Variants in CKAP5 observed in about 807,000 individuals in gnomAD.
CKAP5 encodes the protein cytoskeleton associated protein 5.
Under a neutral mutation model 232.8 loss-of-function variants are expected in CKAP5, and 27 were observed. The observed-to-expected ratio is 0.12, with a 90% CI of 0.09 to 0.16. CKAP5 has a LOEUF of 0.16. CKAP5 is among the 10% of genes least tolerant of loss of function. The pLI, the probability that CKAP5 is intolerant of heterozygous loss-of-function variation, is 1.00. For missense variants in CKAP5, 1,838 were observed against 2,424.7 expected, an observed-to-expected ratio of 0.76 and a Z score of 5.08; for synonymous variants, 785 against 841.1, an observed-to-expected ratio of 0.93 and a Z score of 1.16.
chr11:46,766,903 T>G (rs772659388), intron 27 of CKAP5, among the ~76,000 whole-genome samples: 4 of 152,240 alleles, frequency 2.6e-5, no homozygotes, highest in African/African-American at 7.2e-5. Flanking sequence ...CCCTGCAGAC[T>G]AACCGAAACA....
chr11:46,804,917 G>A (rs141354906), intron 8 of CKAP5, among the ~76,000 whole-genome samples: 1 of 151,686 alleles, frequency 6.6e-6, no homozygotes, highest in Non-Finnish European at 1.5e-5. Context: ...GAAGCGATGA[G>A]CTGGGAGGGA....
intron 11 of CKAP5, among the ~76,000 whole-genome samples, chr11:46,797,392 A>ACAAC (rs60748677): frequency 6.7e-6 from 1 of 148,478 alleles, no homozygotes; most frequent in South Asian, 2.1e-4. Flanking sequence ...AACAACAACA[A>ACAAC]AAAAAAAAAA....
chr11:46,754,372 A>T (rs971076934), intron 36 of CKAP5, among the ~76,000 whole-genome samples: 1 of 152,214 alleles, frequency 6.6e-6, no homozygotes, highest in African/African-American at 2.4e-5. Flanking sequence ...GGTGTCATTA[A>T]GTCCACCCTT....
chr11:46,823,565 T>C (rs951500941), intron 1 of CKAP5, among the ~76,000 whole-genome samples: 1 of 152,152 alleles, frequency 6.6e-6, no homozygotes, highest in Admixed American at 6.5e-5. Context: ...AACCCTACCA[T>C]TGGACATTTA....
chr11:46,779,437 T>C (rs2065319940), intron 20 of CKAP5, among the ~76,000 whole-genome samples: 1 of 151,972 alleles, frequency 6.6e-6, no homozygotes, highest in African/African-American at 2.4e-5. Context: ...CCGGCCAAAA[T>C]CATCAATTTC....
chr11:46,778,143 A>G lies in CKAP5; in HGVS notation c.2744T>C (p.Ile915Thr). The change falls in exon 22 of 44, where the codon ATC becomes ACC. Residue 915 changes from isoleucine (I) to threonine (T), a missense_variant. Physicochemically the swap from Ile to Thr is moderately conservative, Grantham distance 89 (BLOSUM62 -1). Around this residue, in one of 6 missense-constraint regions of CKAP5, gnomAD observed 767 missense variants for 954.6 expected, o/e 0.80. Coordinates refer to ENST00000529230, the MANE Select transcript of CKAP5 (RefSeq NM_001008938.4). ...ACAGCCGTATGCTCTACATACCAAG[A>G]TTTTATTTGAATCATTGAGTCGACC... The part of the protein sequence containing the change: ...LKGRLNDSNK[I>T]LVQQTLNILQ... 1 of 1,613,502 alleles carries G rather than the reference A, an allele frequency of 6.2e-7. No individual in the cohort carries two copies. The highest frequency in any genetic ancestry group is 1.7e-5 in the Admixed American group (1 of 59,926).
intron 12 of CKAP5, among the ~76,000 whole-genome samples, chr11:46,796,262 C>T (rs573709673): frequency 8.6e-5 from 13 of 151,130 alleles, no homozygotes; most frequent in African/African-American, 2.2e-4. Context: ...GATAGACATA[C>T]GTAAGATATT....
intron 41 of CKAP5, 31 bp from the exon 42 acceptor site, chr11:46,750,464 A>G: frequency 1.2e-6 from 2 of 1,613,280 alleles, no homozygotes; most frequent in South Asian, 2.2e-5. Flanking sequence ...AGAGGTGGGG[A>G]TGAATGTTAG....
rs768170813 is a variant in CKAP5, at chr11:46,784,400, A to G, written c.2154+88T>C. ...GTATCAAAAAAGATTTTACTTGAGAAGATAAAAACTAATGTTTAATTAGTA... is the reference window on the plus strand; with the variant it reads ...GTATCAAAAAAGATTTTACTTGAGAGGATAAAAACTAATGTTTAATTAGTA... On this transcript the variant is annotated intron_variant, in intron 17 of 43. Coordinates refer to ENST00000529230, the MANE Select transcript of CKAP5 (RefSeq NM_001008938.4). The G allele has an allele frequency of 2.6e-4, 273 of 1,039,438 alleles. 1 individual carries two copies. The highest frequency in any genetic ancestry group is 5.5e-5 in the Non-Finnish European group (39 of 705,180). 64.4% of individuals were successfully genotyped at this position (1,039,438 alleles called of 1,614,324 possible). A position where few individuals can be genotyped will look rare whatever the true frequency, so the allele number is the denominator to read the frequency against.
chr11:46,806,002 T>C (rs1023764826), intron 8 of CKAP5, among the ~76,000 whole-genome samples: 2 of 152,206 alleles, frequency 1.3e-5, no homozygotes, highest in African/African-American at 4.8e-5. Context: ...AAAGAAAATG[T>C]CGTTTCAGGT....
Position 46,818,344 on chromosome 11 carries a change from G to A in CKAP5, c.217C>T (p.Leu73Phe). 6.2e-7 allele frequency: 1 copy of A among 1,600,218 alleles called. No homozygotes were observed. Among genetic ancestry groups the A allele is most frequent in the Non-Finnish European group, 8.5e-7 (1 of 1,176,136 alleles). Reference sequence around the variant, plus strand: ...ACATGGGCATTTTCAACATAAACAAGTGCAGCTTCTAATCCTTTCAATTGA... The same window carrying A: ...ACATGGGCATTTTCAACATAAACAAATGCAGCTTCTAATCCTTTCAATTGA... Reference protein sequence around the residue: ...VVQLKGLEAALVYVENAHVAG... With the variant: ...VVQLKGLEAAFVYVENAHVAG... Residue 73 changes from leucine to phenylalanine, a missense_variant, in exon 3 of 44, where the codon CTT becomes TTT. By Grantham distance (22) the Leu-to-Phe change is conservative. This residue lies in a region of CKAP5 where 285 missense variants were observed against 300.0 expected (regional missense o/e 0.95). Coordinates refer to ENST00000529230, the MANE Select transcript of CKAP5 (RefSeq NM_001008938.4).
At chr11:46,802,262 TA>T (rs1051037317) in intron 8 of CKAP5, 3 of 152,276 alleles carry the variant, frequency 2.0e-5, no homozygotes, top group African/African-American at 7.2e-5. Flanking sequence ...AGCACTTATC[TA>T]AACTCACGGG....
intron 11 of CKAP5, 119 bp downstream of exon 11, chr11:46,797,686 C>T (rs1406788769): frequency 7.2e-6 from 7 of 975,790 alleles, no homozygotes; most frequent in African/African-American, 3.3e-5. Flanking sequence ...AAAGGCTCTG[C>T]TCCTCAAAAG....
Position 46,784,542 on chromosome 11 carries a change from T to C in CKAP5, c.2100A>G (p.Lys700=). 6.2e-7 allele frequency: 1 copy of C among 1,614,166 alleles called. No individual in the cohort carries two copies. The highest frequency in any genetic ancestry group is 8.5e-7 in the Non-Finnish European group (1 of 1,180,008). Reference sequence around the variant, plus strand: ...CTTCGGCTATTGCTGTCATAGCTTCTTTTGCATTGTTCCCACATTTCACAT... The same window carrying C: ...CTTCGGCTATTGCTGTCATAGCTTCCTTTGCATTGTTCCCACATTTCACAT... ...IGDVKCGNNA[K]EAMTAIAEAC... The change falls in exon 17 of 44, where the codon AAA becomes AAG. Residue 700 remains lysine, a synonymous_variant. Transcript: ENST00000529230.
At chr11:46,745,889 C>G (rs1592427536) in intron 42 of CKAP5, among the ~76,000 whole-genome samples, 1 of 152,028 alleles carries the variant, frequency 6.6e-6, no homozygotes, top group East Asian at 1.9e-4. Flanking sequence ...GAGGCAGAAG[C>G]TGCAGTGAGC....
chr11:46,812,407 CA>C (rs1330283503), intron 4 of CKAP5, among the ~76,000 whole-genome samples: 3 of 152,082 alleles, frequency 2.0e-5, no homozygotes, highest in Non-Finnish European at 4.4e-5. Context: ...TTCAAGTTCC[CA>C]ACTGGCCAAT....
intron 13 of CKAP5, among the ~76,000 whole-genome samples, chr11:46,793,910 G>C (rs750459893): frequency 1.7e-4 from 25 of 151,494 alleles, no homozygotes; most frequent in Non-Finnish European, 3.1e-4. Flanking sequence ...CTGGGTGACA[G>C]TGCAAGACTC....
Position 46,816,291 on chromosome 11 carries a change from C to A in CKAP5, c.365G>T (p.Gly122Val), listed in dbSNP as rs772819951. 2 of 1,614,124 alleles carry A rather than the reference C, an allele frequency of 1.2e-6. No homozygotes were observed. Among genetic ancestry groups the A allele is most frequent in the Non-Finnish European group, 1.7e-6 (2 of 1,179,998 alleles). The change falls in exon 4 of 44, where the codon GGA (glycine) becomes GTA (valine). Residue 122 changes from glycine (G) to valine (V), a missense_variant. This residue lies in a region of CKAP5 where 285 missense variants were observed against 300.0 expected (regional missense o/e 0.95). Coordinates refer to ENST00000529230, the MANE Select transcript of CKAP5 (RefSeq NM_001008938.4). ...CAGGAGCTCTTCTTGAACAGCCTCT[C>A]CTTTCTCAATCTCTATGTACATAAG... ...ICLMYIEIEK[G>V]EAVQEELLKG...
chr11:46,820,339 G>C (rs996525330), intron 2 of CKAP5, among the ~76,000 whole-genome samples: 2 of 152,136 alleles, frequency 1.3e-5, no homozygotes, highest in African/African-American at 2.4e-5. Context: ...ATAGGATGAA[G>C]GAGTGGTTCT....
Sources: gnomAD v4.1 joint callset for allele counts (sites outside exome capture counted in the v4.1 genomes callset) on GRCh38, gnomAD v4.1.1 for gene constraint, gnomAD v4.1.1 regional missense constraint, MANE v1.5 for transcripts, NCBI Gene and HGNC (gene_info 2026-07-23, HGNC 2026-07-21) for gene names.